Variants in PTGER4 observed in about 807,000 individuals in gnomAD.
PTGER4 encodes the protein prostaglandin E2 receptor EP4 subtype.
Under a neutral mutation model 33.2 loss-of-function variants are expected in PTGER4, and 11 were observed. The observed-to-expected ratio is 0.33, with a 90% CI of 0.21 to 0.55. The LOEUF is 0.55. PTGER4 is among the 20% of genes least tolerant of loss of function. The pLI, the probability that PTGER4 is intolerant of heterozygous loss-of-function variation, is 0.92. For missense variants in PTGER4, 481 were observed against 650.2 expected (o/e 0.74, Z 2.83); for synonymous variants, 275 against 281.5 (o/e 0.98, Z 0.23).
Position 40,692,972 on chromosome 5 carries a change from G to A in PTGER4, c.*594G>A, listed in dbSNP as rs1235258585. 10 of 948,216 alleles carry A rather than the reference G, an allele frequency of 1.1e-5. No individual in the cohort carries two copies. The highest frequency in any genetic ancestry group is 5.4e-4 in the Middle Eastern group (1 of 1,854). The allele number at this position is 948,216 out of a possible 1,614,324, so 58.7% of individuals were successfully genotyped here. On this transcript the variant is annotated 3_prime_UTR_variant, in exon 3 of 3. Transcript: ENST00000302472. ...TTAGATATTTTTCATAAACAAGTTC[G>A]AGTCAAAGTTGAAAATTCATAGTAA...
chr5:40,709,005 A>G, the PTGER4 span, among the ~76,000 whole-genome samples: 1 of 152,214 alleles, frequency 6.6e-6, no homozygotes, highest in African/African-American at 2.4e-5. Context: ...AAAACTCTCA[A>G]TAAATTAGGT....
chr5:40,710,776 A>G, the PTGER4 span, among the ~76,000 whole-genome samples: 2 of 152,194 alleles, frequency 1.3e-5, no homozygotes, highest in Non-Finnish European at 1.5e-5. Context: ...TGTCCTTTGT[A>G]GGGACATGGA....
Position 40,693,558 on chromosome 5 carries a change from T to G in PTGER4, c.*1180T>G, listed in dbSNP as rs1455007936. ...AACAGTTTTGTGTAACTCCCAGTGA[T>G]GCTGTACACATATTTGAAGGGTCTT... On this transcript the variant is annotated 3_prime_UTR_variant, in exon 3 of 3. Transcript: ENST00000302472. 2.0e-6 allele frequency: 2 copies of G among 985,818 alleles called. No homozygotes were observed. The highest frequency in any genetic ancestry group is 2.2e-4 in the East Asian group (2 of 8,970). 61.1% of individuals were successfully genotyped at this position (985,818 alleles called of 1,614,324 possible). A position where few individuals can be genotyped will look rare whatever the true frequency, so the allele number is the denominator to read the frequency against.
chr5:40,701,015 C>G, the PTGER4 span, among the ~76,000 whole-genome samples: 1 of 152,104 alleles, frequency 6.6e-6, no homozygotes, highest in African/African-American at 2.4e-5. Context: ...GTGAAAACAT[C>G]CAGAAAAGAA....
rs1262660153 is a variant in PTGER4 at position 40,691,302 on chromosome 5, C to G, written c.868-477C>G. On this transcript the variant is annotated intron_variant, in intron 2 of 2. Coordinates refer to ENST00000302472, the MANE Select transcript of PTGER4 (RefSeq NM_000958.3). The surrounding 1 kb of genome is among the most constrained non-coding windows in gnomAD (Gnocchi z 4.2). ...GTTCAAATGATTCTCCTGCCTCAGCCTCCCGAGTAGCTGGGACTACAGGCG... is the reference window on the plus strand; with the variant it reads ...GTTCAAATGATTCTCCTGCCTCAGCGTCCCGAGTAGCTGGGACTACAGGCG... 1.3e-5 allele frequency among the ~76,000 whole-genome samples: 2 copies of G among 152,268 alleles called. No homozygotes were observed. The highest frequency in any genetic ancestry group is 6.5e-5 in the Admixed American group (1 of 15,290).
Position 40,693,074 on chromosome 5 carries a change from CTAT to C in PTGER4, c.*698_*700del. On this transcript the variant is annotated 3_prime_UTR_variant, in exon 3 of 3. Transcript: ENST00000302472. The stretch of plus-strand genomic sequence containing the variant: ...TATCAAAGGGATAAAGAAAAAAATA[CTAT>C]TTAAGATGTGAAAATTACAGTCCAA... 2.2e-6 allele frequency: 2 copies of C among 923,898 alleles called. No individual in the cohort carries two copies. Among genetic ancestry groups the C allele is most frequent in the Non-Finnish European group, 2.6e-6 (2 of 773,910 alleles). 57.2% of individuals were successfully genotyped at this position (923,898 alleles called of 1,614,324 possible). A position where few individuals can be genotyped will look rare whatever the true frequency, so the allele number is the denominator to read the frequency against.
chr5:40,708,298 GAAGAA>G, the PTGER4 span, among the ~76,000 whole-genome samples: 1 of 152,026 alleles, frequency 6.6e-6, no homozygotes, highest in Non-Finnish European at 1.5e-5. Flanking sequence ...GACTAATAAA[GAAGAA>G]AAGAGAGAAG....
chr5:40,713,888 G>T, the PTGER4 span, among the ~76,000 whole-genome samples: 1 of 152,014 alleles, frequency 6.6e-6, no homozygotes. Flanking sequence ...TAAAATAATG[G>T]GTGCATTTTT....
the PTGER4 span, among the ~76,000 whole-genome samples, chr5:40,738,466 A>G: frequency 7.4e-6 from 1 of 134,558 alleles, no homozygotes; most frequent in Non-Finnish European, 1.5e-5. Context: ...ATACAATACA[A>G]TACAATACAA....
chr5:40,682,605 G>C (rs970474076), intron 2 of PTGER4, among the ~76,000 whole-genome samples: 12 of 152,208 alleles, frequency 7.9e-5, no homozygotes. Context: ...GACCAGGAAA[G>C]CAAAGTTTCT....
the PTGER4 span, among the ~76,000 whole-genome samples, chr5:40,702,017 G>C: frequency 6.6e-6 from 1 of 152,160 alleles, no homozygotes; most frequent in African/African-American, 2.4e-5. Context: ...GCTTACAAGA[G>C]ATCATGAAAA....
chr5:40,690,314 T>C (rs1447506369), intron 2 of PTGER4, among the ~76,000 whole-genome samples: 1 of 152,222 alleles, frequency 6.6e-6, no homozygotes, highest in Non-Finnish European at 1.5e-5. Context: ...CACTCCAGCC[T>C]GGGCGACAGA....
At chr5:40,689,625 A>G (rs1389385947) in intron 2 of PTGER4, among the ~76,000 whole-genome samples, 1 of 152,168 alleles carries the variant, frequency 6.6e-6, no homozygotes, top group African/African-American at 2.4e-5. Context: ...CTCAGCCTCA[A>G]CTAAACTGTC....
intron 2 of PTGER4, among the ~76,000 whole-genome samples, chr5:40,688,599 G>A (rs189857153): frequency 6.6e-6 from 1 of 152,180 alleles, no homozygotes; most frequent in Non-Finnish European, 1.5e-5. Flanking sequence ...ACAGGGTGGG[G>A]GACATCCTAA....
the PTGER4 span, among the ~76,000 whole-genome samples, chr5:40,740,579 G>C: frequency 2.6e-5 from 4 of 152,302 alleles, no homozygotes; most frequent in East Asian, 7.7e-4. Context: ...TTAACTGGAA[G>C]TAGCAGAAAT....
At chr5:40,738,340 G>A in the PTGER4 span, among the ~76,000 whole-genome samples, 40 of 151,656 alleles carry the variant, frequency 2.6e-4, no homozygotes, top group East Asian at 2.1e-3. Flanking sequence ...GCTTGAACCC[G>A]GGAGGTGGAG....
At chr5:40,697,098 A>T (rs943373763), downstream of PTGER4, among the ~76,000 whole-genome samples, 1 of 60,272 alleles carries the variant, frequency 1.7e-5, no homozygotes, top group Non-Finnish European at 3.5e-5. Context: ...AAGAAAGAGA[A>T]AAGAAAGAAA....
rs1741508055 is a variant in PTGER4, at chr5:40,692,806, T to C, written c.*428T>C. The C allele has an allele frequency of 3.0e-6, 3 of 989,382 alleles. No homozygotes were observed. In the South Asian group the frequency reaches 1.4e-4, roughly 46 times the overall value. The allele number at this position is 989,382 out of a possible 1,614,324, so 61.3% of individuals were successfully genotyped here. A position where few individuals can be genotyped will look rare whatever the true frequency, so the allele number is the denominator to read the frequency against. Reference sequence around the variant, plus strand: ...TTAAGTGTCTCACTAAAGCATGAAATGTGAATTTTTATTGTTGTACATACG... The same window carrying C: ...TTAAGTGTCTCACTAAAGCATGAAACGTGAATTTTTATTGTTGTACATACG... On this transcript the variant is annotated 3_prime_UTR_variant, in exon 3 of 3. Coordinates refer to ENST00000302472, the MANE Select transcript of PTGER4 (RefSeq NM_000958.3).
chr5:40,712,836 AC>A, the PTGER4 span, among the ~76,000 whole-genome samples: 1 of 152,162 alleles, frequency 6.6e-6, no homozygotes, highest in Non-Finnish European at 1.5e-5. Flanking sequence ...CTGCCTTCTG[AC>A]CAAAGTAGTT....
Sources: allele counts gnomAD v4.1 joint callset (sites outside exome capture counted in the v4.1 genomes callset), GRCh38; gene constraint gnomAD v4.1.1; non-coding constraint Gnocchi (gnomAD v3.1); transcripts MANE v1.5; gene names NCBI Gene and HGNC (gene_info 2026-07-23, HGNC 2026-07-21).